MMP24: variants seen among roughly 807,000 people sequenced by gnomAD.
MMP24 encodes the protein matrix metalloproteinase-24.
MMP24 carries 25 observed loss-of-function variants against 62.8 expected under a neutral mutation model. The ratio of observed to expected loss-of-function variants is 0.40; its 90% CI spans 0.29 to 0.56. The LOEUF is 0.56. MMP24 is among the 20% of genes least tolerant of loss of function. MMP24 has a pLI of 0.50. For synonymous variants in MMP24, 319 were observed against 350.5 expected, an observed-to-expected ratio of 0.91 and a Z score of 1.00; for missense variants, 634 against 853.6, an observed-to-expected ratio of 0.74 and a Z score of 3.21.
chr20:35,253,270 CTTTT>C (rs34474017), intron 3 of MMP24, among the ~76,000 whole-genome samples: 16 of 79,076 alleles, frequency 2.0e-4, no homozygotes, highest in Middle Eastern at 6.7e-3. Flanking sequence ...CAGAACGGGA[CTTTT>C]TTTTTTTTTT....
intron 1 of MMP24, among the ~76,000 whole-genome samples, chr20:35,229,106 C>G (rs1348052319): frequency 2.6e-5 from 4 of 152,170 alleles, no homozygotes; most frequent in Non-Finnish European, 5.9e-5. Flanking sequence ...TTATTTTTAT[C>G]GGAGTGCATT....
At chr20:35,266,715 A>G (rs1237601561) in intron 5 of MMP24, among the ~76,000 whole-genome samples, 1 of 151,964 alleles carries the variant, frequency 6.6e-6, no homozygotes, top group East Asian at 1.9e-4. Flanking sequence ...CTCAGGCCCC[A>G]CCCCAGGCCC....
intron 1 of MMP24, among the ~76,000 whole-genome samples, chr20:35,232,013 A>G (rs1037480495): frequency 1.3e-5 from 2 of 152,212 alleles, no homozygotes; most frequent in African/African-American, 4.8e-5. Flanking sequence ...ACTTCACTCC[A>G]GCCTGGGCAA....
intron 1 of MMP24, among the ~76,000 whole-genome samples, chr20:35,231,484 TC>T (rs1471223220): frequency 2.0e-5 from 3 of 152,242 alleles, no homozygotes; most frequent in African/African-American, 7.2e-5. Context: ...TAGGAAGTTT[TC>T]CCTTTTACAT....
At position 35,271,936 on chromosome 20, in the gene MMP24, A is replaced by C; in HGVS notation, c.1600+101A>C. On this transcript the variant is annotated intron_variant, in intron 8 of 8. Coordinates refer to ENST00000246186, the MANE Select transcript of MMP24 (RefSeq NM_006690.4). This position sits in a 1 kb window ranked among gnomAD's most constrained non-coding sequence, Gnocchi z 4.0. ...CAGTGCCCATGGGCGTCCAGGTTTGAAAAAACACCTGGTGGCAGACAACTG... is the reference window on the plus strand; with the variant it reads ...CAGTGCCCATGGGCGTCCAGGTTTGCAAAAACACCTGGTGGCAGACAACTG... 1.5e-6 allele frequency: 2 copies of C among 1,308,556 alleles called. No homozygotes were observed. The allele number at this position is 1,308,556 out of a possible 1,614,324, so 81.1% of individuals were successfully genotyped here.
chr20:35,245,978 C>A (rs6060321), intron 1 of MMP24, among the ~76,000 whole-genome samples: 35,495 of 151,922 alleles, frequency 0.23, 5,805 homozygotes, highest in African/African-American at 0.47. Flanking sequence ...TAAATAAGAT[C>A]ATGCATTGTT....
intron 8 of MMP24, among the ~76,000 whole-genome samples, chr20:35,272,597 G>A (rs1025352374): frequency 2.6e-5 from 4 of 152,112 alleles, no homozygotes; most frequent in Admixed American, 6.5e-5. Context: ...CAGCCCCCAC[G>A]ACTGCCATCA....
intron 1 of MMP24, among the ~76,000 whole-genome samples, chr20:35,239,086 C>T (rs940569287): frequency 6.9e-6 from 1 of 145,216 alleles, no homozygotes; most frequent in African/African-American, 2.6e-5. Context: ...CTTGCTCTGT[C>T]GCCAGGCTGG....
chr20:35,267,788 A>G, intron 6 of MMP24: 1 of 291,106 alleles, frequency 3.4e-6, no homozygotes, highest in Non-Finnish European at 6.6e-6. Context: ...CCGGCTCTGA[A>G]GATGGTCAAC....
rs1217654244 is a variant in MMP24 at position 35,232,391 on chromosome 20, ATT to A, written c.246+5410_246+5411del. Among the ~76,000 whole-genome samples, 5 of 152,318 alleles carry A rather than the reference ATT, an allele frequency of 3.3e-5. No homozygotes were observed. The South Asian group carries it at 1.0e-3, about 32-fold the overall frequency. On this transcript the variant is annotated intron_variant, in intron 1 of 8. Transcript: ENST00000246186. ...ACATGTGATAAATATTTTAAAATTAATTTTGTTATCTAATCCCCATCAACTTC... is the reference window on the plus strand; with the variant it reads ...ACATGTGATAAATATTTTAAAATTAATTGTTATCTAATCCCCATCAACTTC...
intron 1 of MMP24, among the ~76,000 whole-genome samples, chr20:35,245,072 C>G (rs553885346): frequency 6.6e-6 from 1 of 152,096 alleles, no homozygotes; most frequent in Non-Finnish European, 1.5e-5. Context: ...TGTGGCCCAG[C>G]CTGGAGTACA....
At chr20:35,267,812 T>C (rs1214991922) in intron 6 of MMP24, 2 of 269,840 alleles carry the variant, frequency 7.4e-6, no homozygotes, top group African/African-American at 4.5e-5. Context: ...GAGTAGGGGC[T>C]AGGTCAGTGG....
intron 1 of MMP24, among the ~76,000 whole-genome samples, chr20:35,238,033 G>A (rs1219437244): frequency 6.6e-6 from 1 of 152,226 alleles, no homozygotes; most frequent in African/African-American, 2.4e-5. Context: ...TGCATACAGT[G>A]ATACAATAAT....
intron 1 of MMP24, among the ~76,000 whole-genome samples, chr20:35,246,409 G>A (rs769676513): frequency 3.9e-5 from 6 of 152,108 alleles, no homozygotes; most frequent in Non-Finnish European, 8.8e-5. Flanking sequence ...CCCCGGAGGC[G>A]GAGGTTGCAG....
At position 35,271,750 on chromosome 20, in the gene MMP24, C is replaced by A. The variant is rs1306413061; in HGVS notation, c.1515C>A (p.Ala505=). 1 of 1,598,480 alleles carries A rather than the reference C, an allele frequency of 6.3e-7. No individual in the cohort carries two copies. Among genetic ancestry groups the A allele is most frequent in the Non-Finnish European group, 8.5e-7 (1 of 1,172,966 alleles). The stretch of plus-strand genomic sequence containing the variant: ...GGCGCTACAGCGAGGAGCGGCGGGC[C>A]ACGGACCCTGGCTACCCTAAGCCCA... ...RYWRYSEERR[A]TDPGYPKPIT... Residue 505 remains alanine, a synonymous_variant, in exon 8 of 9, where the codon GCC becomes GCA. Transcript: ENST00000246186. This position sits in a 1 kb window ranked among gnomAD's most constrained non-coding sequence, Gnocchi z 4.0.
At chr20:35,229,188 G>A (rs1290651036) in intron 1 of MMP24, among the ~76,000 whole-genome samples, 1 of 151,956 alleles carries the variant, frequency 6.6e-6, no homozygotes. Flanking sequence ...TCAAGCATTC[G>A]CTCACTCTCT....
chr20:35,260,842 G>A (rs1213592037), intron 4 of MMP24, among the ~76,000 whole-genome samples: 1 of 152,210 alleles, frequency 6.6e-6, no homozygotes, highest in African/African-American at 2.4e-5. Flanking sequence ...GCCCCATGGG[G>A]TTCTTCTCTC....
rs2060668416 is a variant in MMP24, at chr20:35,271,443, G to A, written c.1334-126G>A. 1 of 1,251,136 alleles carries A rather than the reference G, an allele frequency of 8.0e-7. No individual in the cohort carries two copies. The highest frequency in any genetic ancestry group is 1.5e-5 in the African/African-American group (1 of 65,980). The allele number at this position is 1,251,136 out of a possible 1,614,324, so 77.5% of individuals were successfully genotyped here. ...ATCTGTGACTGGCCTCAGGCTTCGT[G>A]CCCTTCCCAACTCTAACTGGGCCAA... On this transcript the variant is annotated intron_variant, in intron 7 of 8. Transcript: ENST00000246186. The surrounding 1 kb of genome is among the most constrained non-coding windows in gnomAD (Gnocchi z 4.0).
At chr20:35,236,030 G>C (rs957762009) in intron 1 of MMP24, 1 of 152,274 alleles carries the variant, frequency 6.6e-6, no homozygotes, top group Non-Finnish European at 1.5e-5. Flanking sequence ...TCCTGGGAGT[G>C]GGCCAAGGAC....
Sources: gnomAD v4.1 joint callset for allele counts (sites outside exome capture counted in the v4.1 genomes callset) on GRCh38, gnomAD v4.1.1 for gene constraint, Gnocchi (gnomAD v3.1) non-coding constraint, MANE v1.5 for transcripts, NCBI Gene and HGNC (gene_info 2026-07-23, HGNC 2026-07-21) for gene names.